Variants in PEX14 observed in about 807,000 individuals in gnomAD.
PEX14 encodes peroxisomal membrane protein PEX14.
In PEX14, 15 loss-of-function variants were observed where a neutral mutation model predicts 49.5. The ratio of observed to expected loss-of-function variants is 0.30; its 90% CI spans 0.20 to 0.47. The LOEUF is 0.47. Among genes scored for constraint, PEX14 ranks in the 20% least tolerant of loss-of-function variants. The pLI is 1.00. For synonymous variants in PEX14, 210 were observed against 212.7 expected (o/e 0.99, Z 0.11); for missense variants, 398 against 494.8 (o/e 0.80, Z 1.86).
chr1:10,587,110 TA>T (rs1239034678), intron 3 of PEX14, among the ~76,000 whole-genome samples: 1 of 152,126 alleles, frequency 6.6e-6, no homozygotes, highest in Non-Finnish European at 1.5e-5. Context: ...GCTGTACACT[TA>T]AAAATGTGCA....
intron 2 of PEX14, among the ~76,000 whole-genome samples, chr1:10,530,067 TG>T (rs1238995668): frequency 6.6e-6 from 1 of 152,214 alleles, no homozygotes; most frequent in Non-Finnish European, 1.5e-5. Flanking sequence ...TCCTGGCTTT[TG>T]TTGACTTTCC....
chr1:10,600,285 G>A (rs1436538730), intron 4 of PEX14, among the ~76,000 whole-genome samples: 2 of 152,100 alleles, frequency 1.3e-5, no homozygotes, highest in African/African-American at 4.8e-5. Flanking sequence ...GCCAGATGTG[G>A]TGGCAGGCGC....
In PEX14 at chr1:10,597,906, CAT is replaced by C. The variant is rs1640873092; in HGVS notation, c.170-1329_170-1328del. 6.6e-6 allele frequency among the ~76,000 whole-genome samples: 1 copy of C among 152,246 alleles called. No homozygotes were observed. Among genetic ancestry groups the C allele is most frequent in the South Asian group, 2.1e-4 (1 of 4,834 alleles). ...GTTTGAGGGGTGGCTGCAGTCAACT[CAT>C]ATGCCAGTATGGTGCAGGGCGGAGC... On this transcript the variant is annotated intron_variant, in intron 3 of 8. Transcript: ENST00000356607. The surrounding 1 kb of genome is among the most constrained non-coding windows in gnomAD (Gnocchi z 5.7).
chr1:10,612,607 C>T (rs916113556), intron 4 of PEX14, among the ~76,000 whole-genome samples: 3 of 152,184 alleles, frequency 2.0e-5, no homozygotes, highest in Admixed American at 6.5e-5. Flanking sequence ...GCTCTCTGGG[C>T]CTGTCTTTCT....
chr1:10,555,572 C>G (rs558404186), intron 3 of PEX14, among the ~76,000 whole-genome samples: 2 of 152,134 alleles, frequency 1.3e-5, no homozygotes, highest in South Asian at 2.1e-4. Flanking sequence ...AATTAGAGCT[C>G]TAATCCTCAG....
At chr1:10,587,673 C>T (rs891064189) in intron 3 of PEX14, among the ~76,000 whole-genome samples, 1 of 151,844 alleles carries the variant, frequency 6.6e-6, no homozygotes, top group Non-Finnish European at 1.5e-5. Flanking sequence ...TTTATTATGG[C>T]TTTGTTTGTA....
chr1:10,630,175 G>T lies in PEX14; in HGVS notation c.*188G>T. 5.5e-6 allele frequency: 5 copies of T among 905,166 alleles called. No homozygotes were observed. Among genetic ancestry groups the T allele is most frequent in the Non-Finnish European group, 8.1e-6 (5 of 613,706 alleles). The allele number at this position is 905,166 out of a possible 1,614,324, so 56.1% of individuals were successfully genotyped here. ...ACTTCTGTCCACCTGGCCTCCTCTC[G>T]CCTGGCCGCCAGCCCCAGCCCCAGC... On this transcript the variant is annotated 3_prime_UTR_variant, in exon 9 of 9. Transcript: ENST00000356607. This position sits in a 1 kb window ranked among gnomAD's most constrained non-coding sequence, Gnocchi z 4.1.
chr1:10,577,342 A>G (rs1332109584), intron 3 of PEX14, among the ~76,000 whole-genome samples: 1 of 140,516 alleles, frequency 7.1e-6, no homozygotes, highest in Non-Finnish European at 1.5e-5. Context: ...GCTTTCAGTG[A>G]GCCGAGATTG....
intron 3 of PEX14, among the ~76,000 whole-genome samples, chr1:10,548,955 A>G (rs1443224307): frequency 6.6e-6 from 1 of 152,140 alleles, no homozygotes; most frequent in Admixed American, 6.5e-5. Flanking sequence ...CTTACTGTTA[A>G]TTATTCTTTT....
intron 3 of PEX14, chr1:10,536,532 A>C: frequency 5.6e-6 from 3 of 531,474 alleles, no homozygotes; most frequent in Non-Finnish European, 1.0e-5. Context: ...AGTCCAGTCC[A>C]TCATGGCAAA....
At chr1:10,487,282 TG>T (rs772973695) in intron 1 of PEX14, among the ~76,000 whole-genome samples, 2 of 151,480 alleles carry the variant, frequency 1.3e-5, no homozygotes, top group Non-Finnish European at 2.9e-5. Context: ...GTAAAATCTT[TG>T]GTTTTTATGT....
chr1:10,535,197 G>A (rs140908542), intron 2 of PEX14, among the ~76,000 whole-genome samples: 4 of 152,322 alleles, frequency 2.6e-5, no homozygotes, highest in Admixed American at 2.6e-4. Context: ...CCTACCTGGG[G>A]CAGGTGGGCG....
At chr1:10,481,358 T>C (rs1319611408) in intron 1 of PEX14, among the ~76,000 whole-genome samples, 1 of 152,126 alleles carries the variant, frequency 6.6e-6, no homozygotes, top group Non-Finnish European at 1.5e-5. Flanking sequence ...CGGGATGGTC[T>C]CGAACCCCTG....
At chr1:10,604,970 C>T (rs1489090716) in intron 4 of PEX14, among the ~76,000 whole-genome samples, 3 of 152,074 alleles carry the variant, frequency 2.0e-5, no homozygotes, top group South Asian at 2.1e-4. Flanking sequence ...GGCCAGCACT[C>T]GCTCCTCCAG....
At chr1:10,568,982 T>G (rs1036537515) in intron 3 of PEX14, among the ~76,000 whole-genome samples, 1 of 152,042 alleles carries the variant, frequency 6.6e-6, no homozygotes, top group Non-Finnish European at 1.5e-5. Flanking sequence ...TCAAGTGATC[T>G]GCCCACCTTG....
intron 2 of PEX14, among the ~76,000 whole-genome samples, chr1:10,507,035 A>G (rs930494898): frequency 2.6e-5 from 4 of 152,208 alleles, no homozygotes; most frequent in African/African-American, 9.7e-5. Context: ...ATAGGCCAGG[A>G]GGGCTTCTAC....
At chr1:10,532,917 C>A (rs1638691247) in intron 2 of PEX14, among the ~76,000 whole-genome samples, 1 of 151,976 alleles carries the variant, frequency 6.6e-6, no homozygotes, top group African/African-American at 2.4e-5. Context: ...AACCGAGTGC[C>A]CTGTCAGTTA....
intron 3 of PEX14, among the ~76,000 whole-genome samples, chr1:10,589,324 G>A (rs946873156): frequency 5.9e-5 from 9 of 152,154 alleles, no homozygotes; most frequent in African/African-American, 1.7e-4. Flanking sequence ...TCAAACATCC[G>A]GTCTTGTGCT....
intron 1 of PEX14, among the ~76,000 whole-genome samples, chr1:10,485,332 G>T (rs927159085): frequency 1.4e-5 from 2 of 140,758 alleles, no homozygotes; most frequent in South Asian, 2.2e-4. Context: ...TTAAGAGACA[G>T]GGTCTTTTTT....
Sources: allele counts gnomAD v4.1 joint callset (sites outside exome capture counted in the v4.1 genomes callset), GRCh38; gene constraint gnomAD v4.1.1; non-coding constraint Gnocchi (gnomAD v3.1); transcripts MANE v1.5; gene names NCBI Gene and HGNC (gene_info 2026-07-23, HGNC 2026-07-21).